Variants in LINGO2 observed in about 807,000 individuals in gnomAD.
The protein encoded by LINGO2 is leucine rich repeat and Ig domain containing 2.
Under a neutral mutation model 30.6 loss-of-function variants are expected in LINGO2, and 14 were observed. The observed-to-expected ratio is 0.46, with a 90% CI of 0.30 to 0.72. LINGO2 has a LOEUF of 0.72. Among genes scored for constraint, LINGO2 ranks in the 30% least tolerant of loss-of-function variants. The pLI is 0.07. For missense variants in LINGO2, 729 were observed against 751.7 expected (o/e 0.97, Z 0.35); for synonymous variants, 317 against 288.5 (o/e 1.10, Z -1.00).
At chr9:28,081,122 G>A (rs1393189455) in intron 4 of LINGO2, 3 of 152,104 alleles carry the variant, frequency 2.0e-5, no homozygotes, top group Non-Finnish European at 4.4e-5. Context: ...ATTCTTTCTT[G>A]TGCGGGCTGT....
At chr9:28,245,463 C>T (rs562752720) in intron 4 of LINGO2, among the ~76,000 whole-genome samples, 1 of 152,162 alleles carries the variant, frequency 6.6e-6, no homozygotes, top group South Asian at 2.1e-4. Flanking sequence ...GGCAATCAGG[C>T]AAGAGAAATA....
At chr9:28,174,012 G>A (rs1828674642) in intron 4 of LINGO2, among the ~76,000 whole-genome samples, 1 of 152,042 alleles carries the variant, frequency 6.6e-6, no homozygotes, top group South Asian at 2.1e-4. Context: ...ATAAAGTTGA[G>A]GTCTTTTCAC....
At chr9:29,086,446 G>C in the LINGO2 span, among the ~76,000 whole-genome samples, 1 of 151,848 alleles carries the variant, frequency 6.6e-6, no homozygotes, top group Non-Finnish European at 1.5e-5. Flanking sequence ...GGAAACCTGA[G>C]CATTAGTCTT....
At chr9:28,391,434 C>T (rs142374478) in intron 2 of LINGO2, among the ~76,000 whole-genome samples, 1 of 152,160 alleles carries the variant, frequency 6.6e-6, no homozygotes, top group African/African-American at 2.4e-5. Context: ...AGATTCAAAA[C>T]TTCAGTGCCT....
intron 1 of LINGO2, among the ~76,000 whole-genome samples, chr9:28,482,930 C>T (rs2135231233): frequency 6.6e-6 from 1 of 152,172 alleles, no homozygotes; most frequent in African/African-American, 2.4e-5. Flanking sequence ...AGGACATACG[C>T]ATAGACACAT....
At chr9:28,454,808 T>C (rs1177351096) in intron 2 of LINGO2, among the ~76,000 whole-genome samples, 2 of 151,968 alleles carry the variant, frequency 1.3e-5, no homozygotes, top group Admixed American at 6.6e-5. Flanking sequence ...AAATAAAGGA[T>C]GACAAACATT....
At chr9:28,870,517 C>T in the LINGO2 span, among the ~76,000 whole-genome samples, 4 of 152,126 alleles carry the variant, frequency 2.6e-5, no homozygotes, top group Middle Eastern at 3.4e-3. Context: ...ACCAATGTTC[C>T]TACTGCTAGT....
intron 4 of LINGO2, among the ~76,000 whole-genome samples, chr9:28,140,541 C>T (rs887006632): frequency 7.2e-5 from 11 of 152,186 alleles, no homozygotes; most frequent in African/African-American, 2.7e-4. Flanking sequence ...TTATTTAATA[C>T]TCCTGTGTCT....
the LINGO2 span, among the ~76,000 whole-genome samples, chr9:29,166,286 A>G: frequency 6.6e-6 from 1 of 152,096 alleles, no homozygotes. Context: ...CTGTTATTTC[A>G]GAAGTTGCAA....
At chr9:28,869,556 A>T in the LINGO2 span, among the ~76,000 whole-genome samples, 1 of 152,000 alleles carries the variant, frequency 6.6e-6, no homozygotes, top group Non-Finnish European at 1.5e-5. Flanking sequence ...ATGACAGAGA[A>T]ATAGCAAGCA....
intron 3 of LINGO2, among the ~76,000 whole-genome samples, chr9:28,316,738 C>T (rs903654390): frequency 6.6e-6 from 1 of 152,036 alleles, no homozygotes; most frequent in Admixed American, 6.6e-5. Flanking sequence ...TACACACAAA[C>T]TAAGTATATA....
At chr9:28,384,899 A>T (rs1022394993) in intron 2 of LINGO2, among the ~76,000 whole-genome samples, 4 of 152,054 alleles carry the variant, frequency 2.6e-5, no homozygotes, top group Admixed American at 2.6e-4. Flanking sequence ...AGTTATTTTA[A>T]TACTTTACAA....
intron 2 of LINGO2, among the ~76,000 whole-genome samples, chr9:28,436,045 T>C (rs1395531230): frequency 6.6e-6 from 1 of 152,126 alleles, no homozygotes; most frequent in African/African-American, 2.4e-5. Context: ...ATTACTAACT[T>C]GGGGGTTTTA....
At chr9:28,128,433 T>C (rs1827297889) in intron 4 of LINGO2, among the ~76,000 whole-genome samples, 1 of 152,190 alleles carries the variant, frequency 6.6e-6, no homozygotes. Flanking sequence ...GCATTCCTCT[T>C]ATATATGTAG....
chr9:28,485,463 T>C (rs1187378401), intron 1 of LINGO2, among the ~76,000 whole-genome samples: 1 of 152,070 alleles, frequency 6.6e-6, no homozygotes, highest in Non-Finnish European at 1.5e-5. Flanking sequence ...GAGTATCAAG[T>C]AAATGATAAT....
the LINGO2 span, among the ~76,000 whole-genome samples, chr9:28,899,946 C>G: frequency 1.3e-5 from 2 of 152,164 alleles, no homozygotes; most frequent in Admixed American, 1.3e-4. Context: ...ATCTTGGTCC[C>G]CAATGAAACA....
chr9:29,171,811 A>T, the LINGO2 span, among the ~76,000 whole-genome samples: 1 of 151,936 alleles, frequency 6.6e-6, no homozygotes, highest in African/African-American at 2.4e-5. Flanking sequence ...GAAAAGTACT[A>T]CAAAGATACA....
chr9:28,199,343 T>TTTCTTCCTCCTC (rs1564036486), intron 4 of LINGO2, among the ~76,000 whole-genome samples: 3 of 128,790 alleles, frequency 2.3e-5, no homozygotes, highest in African/African-American at 8.1e-5. Context: ...TTCTTCTTCT[T>TTTCTTCCTCCTC]CTTTTTTTTT....
the LINGO2 span, among the ~76,000 whole-genome samples, chr9:28,702,535 G>A: frequency 6.6e-6 from 1 of 151,756 alleles, no homozygotes; most frequent in Non-Finnish European, 1.5e-5. Context: ...TATTCAATTT[G>A]CTACTATTTG....
Sources: gnomAD v4.1 joint callset for allele counts (sites outside exome capture counted in the v4.1 genomes callset) on GRCh38, gnomAD v4.1.1 for gene constraint, MANE v1.5 for transcripts, NCBI Gene and HGNC (gene_info 2026-07-23, HGNC 2026-07-21) for gene names.